The following SLC26A8 variants were observed in gnomAD, a reference collection of about 807,000 sequenced individuals.
SLC26A8 encodes testis anion transporter 1.
SLC26A8 carries 70 observed loss-of-function variants against 105.0 expected under a neutral mutation model. The observed-to-expected ratio is 0.67, with a 90% CI of 0.55 to 0.81. SLC26A8 has a LOEUF of 0.81. SLC26A8 is among the 40% of genes least tolerant of loss of function. SLC26A8 has a pLI of 0.00. For missense variants in SLC26A8, 998 were observed against 1,181.8 expected (o/e 0.84, Z 2.28); for synonymous variants, 415 against 438.3 (o/e 0.95, Z 0.66).
intron 7 of SLC26A8, among the ~76,000 whole-genome samples, chr6:35,983,316 G>A (rs1259196118): frequency 2.6e-5 from 4 of 152,146 alleles, no homozygotes; most frequent in African/African-American, 9.7e-5. Flanking sequence ...CCAGTTTAAA[G>A]GTAATACTTG....
chr6:36,000,230 G>A, intron 3 of SLC26A8, 122 bp from the exon 4 acceptor site: 1 of 642,902 alleles, frequency 1.6e-6, no homozygotes, highest in Non-Finnish European at 2.8e-6. Flanking sequence ...TGTGGTAATA[G>A]TATTTCTGGA....
At chr6:36,001,089 T>A (rs977757707) in intron 3 of SLC26A8, among the ~76,000 whole-genome samples, 3 of 152,242 alleles carry the variant, frequency 2.0e-5, no homozygotes, top group African/African-American at 7.2e-5. Context: ...ATTGTTGTGG[T>A]AGAGGGTCTC....
chr6:35,991,766 T>C lies in SLC26A8; in HGVS notation c.835A>G (p.Thr279Ala), dbSNP rs1301735915. The change falls in exon 7 of 20, where the codon ACC (threonine) becomes GCC (alanine). Residue 279 changes from threonine to alanine, a missense_variant. Physicochemically the swap from Thr to Ala is moderately conservative, Grantham distance 58 (BLOSUM62 0). Transcript: ENST00000490799. ...YCVALPKANS[T>A]SILVFLTVVV... ...ACAGTTAGAAATACTAGAATGCTGG[T>C]GGAATTCGCTTTTGGGAGAGCTACA... 6.2e-7 allele frequency: 1 copy of C among 1,605,188 alleles called. No individual in the cohort carries two copies.
intron 8 of SLC26A8, 29 bp from the exon 9 acceptor site, chr6:35,977,380 G>A: frequency 6.2e-7 from 1 of 1,601,662 alleles, no homozygotes; most frequent in Non-Finnish European, 8.5e-7. Flanking sequence ...ATTATTTCTG[G>A]ATAGCAGGAA....
chr6:36,014,228 A>G (rs562046439), intron 2 of SLC26A8, among the ~76,000 whole-genome samples: 25 of 152,312 alleles, frequency 1.6e-4, no homozygotes, highest in African/African-American at 5.5e-4. Flanking sequence ...TCTGTGTGTC[A>G]CTTAGGGAAA....
rs559548841 is a variant in SLC26A8 at position 35,990,245 on chromosome 6, G to A, written c.942+1414C>T. 3.1e-5 allele frequency: 6 copies of A among 195,942 alleles called. No homozygotes were observed. The South Asian group carries it at 3.4e-4, about 11-fold the overall frequency. The allele number at this position is 195,942 out of a possible 1,614,324, so 12.1% of individuals were successfully genotyped here. On this transcript the variant is annotated intron_variant, in intron 7 of 19. Coordinates refer to ENST00000490799, the MANE Select transcript of SLC26A8 (RefSeq NM_052961.4). ...AGCCACCGCACCTGGCCTCTGCTCT[G>A]TGGTTCTTGAGCCAAACCTGTACTG...
chr6:36,022,717 C>T (rs1184988839), intron 1 of SLC26A8, among the ~76,000 whole-genome samples: 3 of 151,890 alleles, frequency 2.0e-5, no homozygotes, highest in Non-Finnish European at 2.9e-5. Context: ...CAAGGGTAAA[C>T]GCATGGTTTC....
At chr6:35,993,936 G>A (rs1334472314) in intron 5 of SLC26A8, among the ~76,000 whole-genome samples, 1 of 152,084 alleles carries the variant, frequency 6.6e-6, no homozygotes, top group African/African-American at 2.4e-5. Context: ...TTTTCAGTAA[G>A]CAGGGTGGAA....
rs147744024 is a variant in SLC26A8, at chr6:36,012,357, C to A, written c.204G>T (p.Arg68Ser). The change falls in exon 3 of 20, where the codon AGG becomes AGT. Residue 68 changes from arginine to serine, a missense_variant. Arg to Ser is a moderately radical substitution (Grantham distance 110). Coordinates refer to ENST00000490799, the MANE Select transcript of SLC26A8 (RefSeq NM_052961.4). ...AGATTGTAAGCACGCATCGTAGGAACCTGTGCCATGAGCAGCTGTGAGAGA... is the reference window on the plus strand; with the variant it reads ...AGATTGTAAGCACGCATCGTAGGAAACTGTGCCATGAGCAGCTGTGAGAGA... ...HHVQCRCSWH[R>S]FLRCVLTIFP... 6.1e-5 allele frequency: 97 copies of A among 1,589,792 alleles called. No individual in the cohort carries two copies. The African/African-American group carries it at 8.3e-4, about 14-fold the overall frequency.
intron 3 of SLC26A8, among the ~76,000 whole-genome samples, chr6:36,009,353 A>AAACAACAAC (rs145874408): frequency 2.0e-5 from 3 of 149,294 alleles, no homozygotes; most frequent in African/African-American, 7.6e-5. Flanking sequence ...TGCCTCTCAA[A>AAACAACAAC]AACAACAACA....
At chr6:35,979,007 A>ATTTTTTTTTT (rs34335766) in intron 8 of SLC26A8, among the ~76,000 whole-genome samples, 12 of 98,348 alleles carry the variant, frequency 1.2e-4, no homozygotes, top group South Asian at 6.8e-4. Context: ...CACCTGGCTA[A>ATTTTTTTTTT]TTTTTTTTTT....
chr6:36,013,649 A>G (rs1270837686), intron 2 of SLC26A8, among the ~76,000 whole-genome samples: 1 of 152,226 alleles, frequency 6.6e-6, no homozygotes, highest in Admixed American at 6.5e-5. Context: ...CAGAATCATC[A>G]TTAATCAACC....
intron 1 of SLC26A8, among the ~76,000 whole-genome samples, chr6:36,020,697 C>T (rs1394713756): frequency 6.6e-6 from 1 of 152,098 alleles, no homozygotes; most frequent in Admixed American, 6.5e-5. Flanking sequence ...GATAGGGATC[C>T]ATCTCTGGGA....
At chr6:35,984,194 T>C (rs1773393087) in intron 7 of SLC26A8, among the ~76,000 whole-genome samples, 1 of 152,118 alleles carries the variant, frequency 6.6e-6, no homozygotes, top group Non-Finnish European at 1.5e-5. Flanking sequence ...TTGTAAGCCT[T>C]CACCTATTTT....
At chr6:35,991,624 G>T (rs975823674) in intron 7 of SLC26A8, 35 bp downstream of exon 7, 1 of 1,462,104 alleles carries the variant, frequency 6.8e-7, no homozygotes, top group African/African-American at 1.4e-5. Context: ...CTAAAATTAT[G>T]CAAACTATGA....
intron 1 of SLC26A8, among the ~76,000 whole-genome samples, chr6:36,023,135 T>C (rs987224684): frequency 1.3e-5 from 2 of 150,464 alleles, no homozygotes; most frequent in Non-Finnish European, 3.0e-5. Flanking sequence ...ACTTTTGGCC[T>C]AGCTCTTTCA....
chr6:35,958,699 C>T (rs1323121894), intron 16 of SLC26A8, among the ~76,000 whole-genome samples: 1 of 152,110 alleles, frequency 6.6e-6, no homozygotes, highest in African/African-American at 2.4e-5. Context: ...CAAGCACCTG[C>T]ATGGCGGGTG....
At chr6:35,999,148 C>T (rs1434004265) in intron 4 of SLC26A8, among the ~76,000 whole-genome samples, 1 of 152,190 alleles carries the variant, frequency 6.6e-6, no homozygotes, top group Non-Finnish European at 1.5e-5. Context: ...CTTGCCTCGG[C>T]CTCCCAAAGT....
At chr6:35,991,247 T>C (rs1370423477) in intron 7 of SLC26A8, among the ~76,000 whole-genome samples, 2 of 148,838 alleles carry the variant, frequency 1.3e-5, no homozygotes, top group Non-Finnish European at 3.0e-5. Context: ...TTAAAAAAAA[T>C]ACAAAAATTA....
Sources: gnomAD v4.1 joint callset for allele counts (sites outside exome capture counted in the v4.1 genomes callset) on GRCh38, gnomAD v4.1.1 for gene constraint, MANE v1.5 for transcripts, NCBI Gene and HGNC (gene_info 2026-07-23, HGNC 2026-07-21) for gene names.